Variants in CARD9 observed in about 807,000 individuals in gnomAD.
CARD9 encodes the protein caspase recruitment domain-containing protein 9.
CARD9 carries 53 observed loss-of-function variants against 66.0 expected under a neutral mutation model. That is an observed-to-expected ratio of 0.80 (90% CI 0.64 to 1.01). The LOEUF is 1.01. CARD9 is among the 50% of genes least tolerant of loss of function. CARD9 has a pLI of 0.00. For synonymous variants in CARD9, 387 were observed against 313.8 expected (o/e 1.23, Z -2.47); for missense variants, 769 against 743.2 (o/e 1.03, Z -0.40).
rs1833098346 is a variant in CARD9, at chr9:136,365,367, T to C, written c.1358-150A>G. 11 of 707,928 alleles carry C rather than the reference T, an allele frequency of 1.6e-5. No individual in the cohort carries two copies. In the East Asian group the frequency reaches 1.9e-4, roughly 12 times the overall value. 43.9% of individuals were successfully genotyped at this position (707,928 alleles called of 1,614,324 possible). On this transcript the variant is annotated intron_variant, in intron 10 of 12. Coordinates refer to ENST00000371732, the MANE Select transcript of CARD9 (RefSeq NM_052813.5). ...GGTCCAGTGTAGACTCTGCTTTCTG[T>C]AGATGAGACTGAGGCCTTATGGCCT...
At chr9:136,366,539 G>A (rs900106649) in intron 10 of CARD9, 9 of 560,664 alleles carry the variant, frequency 1.6e-5, no homozygotes, top group Non-Finnish European at 2.9e-5. Context: ...GCAGCCCATG[G>A]GGGCTGCCCA....
chr9:136,368,510 G>A (rs565822306), intron 7 of CARD9, among the ~76,000 whole-genome samples: 9 of 152,362 alleles, frequency 5.9e-5, no homozygotes, highest in African/African-American at 1.9e-4. Context: ...CATGGGGGCC[G>A]GGGCTTCCTT....
At chr9:136,367,431 G>C in intron 8 of CARD9, 174 bp from the exon 9 acceptor site, 3 of 941,110 alleles carry the variant, frequency 3.2e-6, no homozygotes, top group Non-Finnish European at 4.8e-6. Flanking sequence ...CCAGGCCCAG[G>C]ACCCACCCCG....
intron 11 of CARD9, 186 bp downstream of exon 11, chr9:136,364,955 A>G (rs1833084231): frequency 5.0e-6 from 3 of 595,950 alleles, no homozygotes; most frequent in East Asian, 2.8e-5. Context: ...GCAGTGCCCA[A>G]GAAAGGGGGA....
At chr9:136,372,277 G>A (rs953280020) in intron 1 of CARD9, among the ~76,000 whole-genome samples, 183 bp from the exon 2 acceptor site, 1 of 152,198 alleles carries the variant, frequency 6.6e-6, no homozygotes, top group East Asian at 1.9e-4. Flanking sequence ...CCCCCAGGGA[G>A]GCAGCAGAGA....
rs199631159 is a variant in CARD9, at chr9:136,370,816, G to A, written c.627+25C>T. On this transcript the variant is annotated intron_variant, in intron 4 of 12. Coordinates refer to ENST00000371732, the MANE Select transcript of CARD9 (RefSeq NM_052813.5). ...CCGCCAGGCCAGGCGAGGGTGGCCT[G>A]GTTTCCCGGGGGCAGCGGGCGCACC... 1.8e-5 allele frequency: 29 copies of A among 1,594,400 alleles called. 1 individual carries two copies. The East Asian group carries it at 6.5e-4, about 36-fold the overall frequency.
At position 136,370,364 on chromosome 9, in the gene CARD9, T is replaced by A. The variant is rs1420662699; in HGVS notation, c.881A>T (p.His294Leu). The change falls in exon 6 of 13, where the codon CAC becomes CTC. Residue 294 changes from histidine to leucine, a missense_variant. Physicochemically the swap from His to Leu is moderately conservative, Grantham distance 99. Coordinates refer to ENST00000371732, the MANE Select transcript of CARD9 (RefSeq NM_052813.5). ...GAAGATGGTGTTGGCCTGCTCCTGGTGGTCCCGCAGCGCCTGCCGCCAGTC... is the reference window on the plus strand; with the variant it reads ...GAAGATGGTGTTGGCCTGCTCCTGGAGGTCCCGCAGCGCCTGCCGCCAGTC... ...EEDWRQALRD[H>L]QEQANTIFSL... 1 of 1,609,928 alleles carries A rather than the reference T, an allele frequency of 6.2e-7. No individual in the cohort carries two copies. The highest frequency in any genetic ancestry group is 1.7e-5 in the Admixed American group (1 of 59,828).
In CARD9 at chr9:136,370,916, G is replaced by A. The variant is rs1280612175; in HGVS notation, c.552C>T (p.Asp184=). The change falls in exon 4 of 13, where the codon GAC becomes GAT. Residue 184 remains aspartate (D), a synonymous_variant. Transcript: ENST00000371732. ...ELKRCKEENY[D]LAMRLAHQSE... is the part of the protein sequence containing the mutation. ...TCTGGTGCGCCAGGCGCATGGCCAG[G>A]TCGTAGTTCTCCTCCTTGCAGCGCT... is the stretch of plus-strand genomic sequence containing the variant. 6.2e-7 allele frequency: 1 copy of A among 1,612,206 alleles called. No individual in the cohort carries two copies. The highest frequency in any genetic ancestry group is 8.5e-7 in the Non-Finnish European group (1 of 1,179,636).
intron 10 of CARD9, 76 bp from the exon 11 acceptor site, chr9:136,365,293 C>G: frequency 7.1e-7 from 1 of 1,414,418 alleles, no homozygotes; most frequent in East Asian, 2.4e-5. Context: ...CACCCCTCCC[C>G]GGCATTGCAG....
In CARD9 at chr9:136,367,753, C is replaced by A. The variant is rs3124993; in HGVS notation, c.1153G>T (p.Val385Leu). ...TCCGCCTTCTCGCCCAGCTCCCGCA[C>A]CTGCTTGCGCAGCGCGTCCTTCTCC... ...LQEKDALRKQ[V>L]RELGEKADEL... Residue 385 changes from valine (V) to leucine (L), a missense_variant, in exon 8 of 13, where the codon GTG becomes TTG. Val to Leu is a conservative substitution (Grantham distance 32, BLOSUM62 1). Coordinates refer to ENST00000371732, the MANE Select transcript of CARD9 (RefSeq NM_052813.5). The A allele has an allele frequency of 4.4e-6, 7 of 1,605,332 alleles. No homozygotes were observed. The highest frequency in any genetic ancestry group is 3.3e-5 in the Admixed American group (2 of 59,936).
chr9:136,366,571 A>C (rs992693522), intron 10 of CARD9: 2 of 594,770 alleles, frequency 3.4e-6, no homozygotes, highest in East Asian at 5.7e-5. Context: ...TCTCCACCCC[A>C]GGGGACACTT....
chr9:136,373,578 C>T lies in CARD9; in HGVS notation c.-63G>A. Reference sequence around the variant, plus strand: ...CCTGCACTGCAGACACACCAGGAGCCTGGGCCGCGGAGCCTCTGGGAGATG... The same window carrying T: ...CCTGCACTGCAGACACACCAGGAGCTTGGGCCGCGGAGCCTCTGGGAGATG... On this transcript the variant is annotated 5_prime_UTR_variant, in exon 1 of 13. Coordinates refer to ENST00000371732, the MANE Select transcript of CARD9 (RefSeq NM_052813.5). The T allele has an allele frequency of 2.0e-6, 2 of 984,806 alleles. No homozygotes were observed. The highest frequency in any genetic ancestry group is 2.4e-6 in the Non-Finnish European group (2 of 830,140). 61.0% of individuals were successfully genotyped at this position (984,806 alleles called of 1,614,324 possible).
In CARD9 at chr9:136,365,774, G is replaced by T. The variant is rs1023794435; in HGVS notation, c.1358-557C>A. 14 of 156,152 alleles carry T rather than the reference G, an allele frequency of 9.0e-5. No homozygotes were observed. In the South Asian group the frequency reaches 2.0e-3, roughly 22 times the overall value. The allele number at this position is 156,152 out of a possible 1,614,324, so 9.7% of individuals were successfully genotyped here. On this transcript the variant is annotated intron_variant, in intron 10 of 12. Coordinates refer to ENST00000371732, the MANE Select transcript of CARD9 (RefSeq NM_052813.5). Reference sequence around the variant, plus strand: ...CACGTCCAGTCTCAGCCCCACTGCGGTGAGGGCCAGGCCAGGGCTGTCCTG... The same window carrying T: ...CACGTCCAGTCTCAGCCCCACTGCGTTGAGGGCCAGGCCAGGGCTGTCCTG...
At chr9:136,366,778 TG>T in intron 10 of CARD9, 21 bp downstream of exon 10, 1 of 1,612,774 alleles carries the variant, frequency 6.2e-7, no homozygotes, top group Non-Finnish European at 8.5e-7. Flanking sequence ...GGCCTCTGGG[TG>T]TACTGCTGTC....
chr9:136,365,129 G>C lies in CARD9; in HGVS notation c.1434+12C>G. 6.2e-7 allele frequency: 1 copy of C among 1,611,624 alleles called. No individual in the cohort carries two copies. Among genetic ancestry groups the C allele is most frequent in the Non-Finnish European group, 8.5e-7 (1 of 1,179,578 alleles). On this transcript the variant is annotated intron_variant, in intron 11 of 12. Transcript: ENST00000371732. ...CCACGGCTGGGAGGACCCCACCCCG[G>C]GGAAGCCTTACATGGGGGTTCCGCA...
At chr9:136,366,876 G>T in intron 9 of CARD9, 31 bp from the exon 10 acceptor site, 1 of 1,612,236 alleles carries the variant, frequency 6.2e-7, no homozygotes, top group Non-Finnish European at 8.5e-7. Flanking sequence ...GTCCCATTAG[G>T]CCACTTCGCC....
At chr9:136,365,096 C>T (rs771615088) in intron 11 of CARD9, 45 bp downstream of exon 11, 3 of 1,595,380 alleles carry the variant, frequency 1.9e-6, no homozygotes, top group Non-Finnish European at 2.6e-6. Context: ...GATCGGTCAC[C>T]CTGAGGCCCA....
Position 136,367,955 on chromosome 9 carries a change from A to G in CARD9, c.1078-127T>C. ...AAGCCGCTGGGCGCGGAGGCTGGTC[A>G]CAGCCCCTCCATTTGTGTGCTCTGC... On this transcript the variant is annotated intron_variant, in intron 7 of 12. Transcript: ENST00000371732. 5 of 1,443,538 alleles carry G rather than the reference A, an allele frequency of 3.5e-6. No individual in the cohort carries two copies. The South Asian group carries it at 7.2e-5, about 21-fold the overall frequency. 89.4% of individuals were successfully genotyped at this position (1,443,538 alleles called of 1,614,324 possible). A position where few individuals can be genotyped will look rare whatever the true frequency, so the allele number is the denominator to read the frequency against.
At chr9:136,371,846 T>C (rs773229967) in intron 2 of CARD9, 49 bp downstream of exon 2, 8 of 1,559,670 alleles carry the variant, frequency 5.1e-6, no homozygotes, top group Non-Finnish European at 7.0e-6. Context: ...ACCTCCGAGC[T>C]GACTCTGTGG....
Sources: gnomAD v4.1 joint callset for allele counts (sites outside exome capture counted in the v4.1 genomes callset) on GRCh38, gnomAD v4.1.1 for gene constraint, MANE v1.5 for transcripts, NCBI Gene and HGNC (gene_info 2026-07-23, HGNC 2026-07-21) for gene names.